PCNX3: variants seen among roughly 807,000 people sequenced by gnomAD.
PCNX3 encodes pecanex 3.
A neutral mutation model predicts 207.2 loss-of-function variants in PCNX3; 58 were observed. That is an observed-to-expected ratio of 0.28 (90% confidence interval 0.23 to 0.35). PCNX3 has a LOEUF of 0.35. Ranked by LOEUF, PCNX3 falls within the 10% of genes least tolerant of loss-of-function variation. The pLI is 1.00. For synonymous variants in PCNX3, 1,337 were observed against 1,183.5 expected (o/e 1.13, Z -2.66); for missense variants, 2,410 against 2,774.4 (o/e 0.87, Z 2.95).
chr11:65,617,586 G>A, intron 4 of PCNX3, 25 bp from the exon 5 acceptor site: 3 of 1,613,466 alleles, frequency 1.9e-6, no homozygotes, highest in Non-Finnish European at 2.5e-6. Context: ...GGGTCCTGCT[G>A]ACACCTCTGG....
chr11:65,626,257 C>T (rs1294487008), intron 20 of PCNX3: 4 of 768,230 alleles, frequency 5.2e-6, no homozygotes, highest in African/African-American at 1.7e-5. Context: ...CCCTGCTGTG[C>T]CCTTCCCTTG....
intron 12 of PCNX3, 105 bp from the exon 13 acceptor site, chr11:65,623,824 C>T: frequency 1.3e-6 from 2 of 1,566,080 alleles, no homozygotes; most frequent in African/African-American, 1.3e-5. Context: ...GGGGGCCTGA[C>T]CTGGTCACTC....
intron 10 of PCNX3, 183 bp from the exon 11 acceptor site, chr11:65,622,062 G>A: frequency 2.8e-6 from 2 of 711,884 alleles, no homozygotes; most frequent in Non-Finnish European, 3.4e-6. Context: ...TTCAGATGAA[G>A]GGTTCTGGTG....
At chr11:65,629,767 G>GCACACCCGAGCTATTGAA in intron 26 of PCNX3, 32 bp downstream of exon 26, 1 of 1,543,216 alleles carries the variant, frequency 6.5e-7, no homozygotes, top group East Asian at 2.4e-5. Flanking sequence ...GGGTGGGCAG[G>GCACACCCGAGCTATTGAA]CACAGCTCGG....
At position 65,625,170 on chromosome 11, in the gene PCNX3, G is replaced by T. The variant is rs1162103384; in HGVS notation, c.2920-1G>T. 1 of 1,604,246 alleles carries T rather than the reference G, an allele frequency of 6.2e-7. No homozygotes were observed. The stretch of plus-strand genomic sequence containing the variant: ...CTGACCAGCATGGATTCTCTCCGCA[G>T]ACTCCGTGGCCAGAGCAGCACGTCC... On this transcript the variant is annotated splice_acceptor_variant, in intron 16 of 34. Coordinates refer to ENST00000355703, the MANE Select transcript of PCNX3 (RefSeq NM_032223.4). LOFTEE classifies it high-confidence loss of function. The surrounding 1 kb of genome is among the most constrained non-coding windows in gnomAD (Gnocchi z 5.6).
chr11:65,619,736 G>A lies in PCNX3; in HGVS notation c.1830-18G>A. On this transcript the variant is annotated intron_variant, in intron 7 of 34. Transcript: ENST00000355703. ...CGCAAGCTCTAGCTGGCGCTGACCTGGGGCTGACCCTCTCCAGCAGCCTGC... is the reference window on the plus strand; with the variant it reads ...CGCAAGCTCTAGCTGGCGCTGACCTAGGGCTGACCCTCTCCAGCAGCCTGC... 1 of 1,562,154 alleles carries A rather than the reference G, an allele frequency of 6.4e-7. No individual in the cohort carries two copies. Among genetic ancestry groups the A allele is most frequent in the Non-Finnish European group, 8.6e-7 (1 of 1,160,790 alleles).
chr11:65,616,780 G>A (rs1016773638), intron 1 of PCNX3, 44 bp from the exon 2 acceptor site: 5 of 1,582,708 alleles, frequency 3.2e-6, no homozygotes, highest in Non-Finnish European at 3.4e-6. Flanking sequence ...ATCCTGTGGG[G>A]GCGAGGCTTT....
In PCNX3 at chr11:65,625,909, G is replaced by A; in HGVS notation, c.3234G>A (p.Val1078=). Residue 1078 remains valine (V), a synonymous_variant, in exon 20 of 35, where the codon GTG becomes GTA. Coordinates refer to ENST00000355703, the MANE Select transcript of PCNX3 (RefSeq NM_032223.4). This position sits in a 1 kb window ranked among gnomAD's most constrained non-coding sequence, Gnocchi z 5.6. The part of the protein sequence containing the change: ...ASTVFIALKS[V]LGFVLYALAG... ...CTGGCCTCTCCCTCCTGCAGTCGGT[G>A]CTGGGTTTCGTGTTGTACGCACTGG... 6.2e-7 allele frequency: 1 copy of A among 1,613,134 alleles called. No homozygotes were observed. The highest frequency in any genetic ancestry group is 8.5e-7 in the Non-Finnish European group (1 of 1,179,414).
chr11:65,630,267 C>T (rs1374733736), intron 26 of PCNX3, 84 bp from the exon 27 acceptor site: 1 of 1,517,668 alleles, frequency 6.6e-7, no homozygotes, highest in Non-Finnish European at 8.9e-7. Context: ...CAGCAGGCCT[C>T]TGATGCCATG....
At position 65,625,106 on chromosome 11, in the gene PCNX3, C is replaced by A; in HGVS notation, c.2920-65C>A. On this transcript the variant is annotated intron_variant, in intron 16 of 34. Transcript: ENST00000355703. This position sits in a 1 kb window ranked among gnomAD's most constrained non-coding sequence, Gnocchi z 5.6. ...AACTGGGCTCAGCAGTGGCTTCTCACACGGGGGCAGCCCGGGCCCCATGCT... is the reference window on the plus strand; with the variant it reads ...AACTGGGCTCAGCAGTGGCTTCTCAAACGGGGGCAGCCCGGGCCCCATGCT... 3.2e-6 allele frequency: 5 copies of A among 1,552,314 alleles called. No homozygotes were observed. The highest frequency in any genetic ancestry group is 1.1e-5 in the South Asian group (1 of 88,004).
chr11:65,617,388 C>T (rs760489135), intron 3 of PCNX3, 39 bp downstream of exon 3: 4 of 1,613,274 alleles, frequency 2.5e-6, no homozygotes, highest in East Asian at 2.2e-5. Flanking sequence ...TCCTGTCCCT[C>T]TGCGAGCCAG....
Position 65,636,466 on chromosome 11 carries a change from G to A in PCNX3, c.5669G>A (p.Arg1890Gln), listed in dbSNP as rs1361807447. The A allele has an allele frequency of 7.1e-6, 11 of 1,559,294 alleles. No homozygotes were observed. Among genetic ancestry groups the A allele is most frequent in the African/African-American group, 2.8e-5 (2 of 72,642 alleles). The change falls in exon 34 of 35, where the codon CGG becomes CAG. Residue 1890 changes from arginine to glutamine, a missense_variant. Transcript: ENST00000355703. ...TCCCTGAGTGGCTCTGGTGATGGGC[G>A]GCCCCCACCTCTGCTGCAGTGGCCT... Reference protein sequence around the residue: ...RSSLSGSGDGRPPPLLQWPPP... With the variant: ...RSSLSGSGDGQPPPLLQWPPP...
chr11:65,619,073 T>C lies in PCNX3; in HGVS notation c.1705+6T>C. The C allele has an allele frequency of 6.4e-7, 1 of 1,569,284 alleles. No individual in the cohort carries two copies. The highest frequency in any genetic ancestry group is 8.6e-7 in the Non-Finnish European group (1 of 1,160,188). The stretch of plus-strand genomic sequence containing the variant: ...GGAAGGTGCTGTGGGGGGAGGTGAG[T>C]GCTTGCTCTAGAGGCAGGGGCTGGG... On this transcript the variant is annotated splice_donor_region_variant and intron_variant, in intron 6 of 34. Coordinates refer to ENST00000355703, the MANE Select transcript of PCNX3 (RefSeq NM_032223.4).
chr11:65,617,766 C>T, intron 5 of PCNX3, 60 bp downstream of exon 5: 1 of 1,532,542 alleles, frequency 6.5e-7, no homozygotes, highest in Non-Finnish European at 8.8e-7. Context: ...GTTGTTGAAT[C>T]CCCTCAACTT....
chr11:65,630,206 A>G, intron 26 of PCNX3, 145 bp from the exon 27 acceptor site: 1 of 1,239,870 alleles, frequency 8.1e-7, no homozygotes, highest in Non-Finnish European at 1.1e-6. Context: ...TCTTTCGTGA[A>G]TCTTGGCATC....
rs986887454 is a variant in PCNX3, at chr11:65,637,005, C to T, written c.*27C>T. ...CTACCTGGCGCCCACTGGACCACCT[C>T]CTAGGATTCAGTAACGGACCTGCTC... is the stretch of plus-strand genomic sequence containing the variant. On this transcript the variant is annotated 3_prime_UTR_variant, in exon 35 of 35. Transcript: ENST00000355703. 6.4e-7 allele frequency: 1 copy of T among 1,551,480 alleles called. No individual in the cohort carries two copies. The highest frequency in any genetic ancestry group is 8.7e-7 in the Non-Finnish European group (1 of 1,151,690).
rs375603349 is a variant in PCNX3, at chr11:65,628,940, C to T, written c.3933C>T (p.Arg1311=). ...CTCGGCCCCTCAAGTTCTGGGAGCG[C>T]GACTACAAGTGAGTCTCACAGGAGG... is the stretch of plus-strand genomic sequence containing the variant. ...SYARPLKFWE[R]DYNTKRVDHS... is the part of the protein sequence containing the mutation. Residue 1311 remains arginine (R), a synonymous_variant, in exon 24 of 35, where the codon CGC becomes CGT. Transcript: ENST00000355703. The T allele has an allele frequency of 6.3e-5, 102 of 1,611,570 alleles. No homozygotes were observed. Among genetic ancestry groups the T allele is most frequent in the Non-Finnish European group, 7.9e-5 (93 of 1,179,820 alleles).
intron 9 of PCNX3, 121 bp from the exon 10 acceptor site, chr11:65,620,710 C>A: frequency 7.3e-7 from 1 of 1,368,412 alleles, no homozygotes; most frequent in Non-Finnish European, 1.0e-6. Flanking sequence ...GCACTTGTCC[C>A]TTGAGCCCTG....
At chr11:65,636,057 G>A (rs1855819316) in intron 32 of PCNX3, 117 bp from the exon 33 acceptor site, 1 of 1,447,082 alleles carries the variant, frequency 6.9e-7, no homozygotes, top group Non-Finnish European at 9.4e-7. Context: ...TTAGAGGGGA[G>A]GATCCTGGGG....
Sources: gnomAD v4.1 joint callset for allele counts on GRCh38, gnomAD v4.1.1 for gene constraint, Gnocchi (gnomAD v3.1) non-coding constraint, MANE v1.5 for transcripts, NCBI Gene and HGNC (gene_info 2026-07-23, HGNC 2026-07-21) for gene names.